Variants in ANKRD34A observed in about 807,000 individuals in gnomAD.
ANKRD34A encodes the protein ankyrin repeat domain 34A.
A neutral mutation model predicts 27.1 loss-of-function variants in ANKRD34A; 7 were observed. The observed-to-expected ratio is 0.26, with a 90% CI of 0.15 to 0.49. The LOEUF (loss-of-function observed/expected upper bound fraction) is 0.49, where lower values mean the gene tolerates loss of function less well. Ranked by LOEUF, ANKRD34A falls within the 20% of genes least tolerant of loss-of-function variation. The probability of loss-of-function intolerance (pLI) is 0.99; values close to 1 mark genes in which losing one functional copy is unlikely to be tolerated. For missense variants in ANKRD34A, 472 were observed against 682.1 expected (o/e 0.69, Z 3.43); for synonymous variants, 301 against 300.8 (o/e 1.00, Z -0.01).
Position 145,962,594 on chromosome 1 carries a change from C to A in ANKRD34A, c.-294G>T, listed in dbSNP as rs1649831337. 2.4e-5 allele frequency: 3 copies of A among 123,530 alleles called. No homozygotes were observed. The South Asian group carries it at 8.0e-4, about 33-fold the overall frequency. 7.7% of individuals were successfully genotyped at this position (123,530 alleles called of 1,614,324 possible). A position where few individuals can be genotyped will look rare whatever the true frequency, so the allele number is the denominator to read the frequency against. ...CGGATCCTGGTCCCTCCTCCCGGAG[C>A]GCCCCGGGCACAGCGCCGGCTCGGG... On this transcript the variant is annotated 5_prime_UTR_variant, in exon 3 of 4. Transcript: ENST00000606888.
rs149951044 is a variant in ANKRD34A at position 145,961,153 on chromosome 1, G to T, written c.607C>A (p.Arg203Ser). Reference sequence around the variant, plus strand: ...CGCTTCTCCTCTTCTTCCTGGGCGCGAGGGGATAACATCCCACGCCCTCCT... The same window carrying T: ...CGCTTCTCCTCTTCTTCCTGGGCGCTAGGGGATAACATCCCACGCCCTCCT... ...GGGGRGMLSP[R>S]AQEEEEKRDV... The change falls in exon 4 of 4, where the codon CGC (arginine) becomes AGC (serine). Residue 203 changes from arginine to serine, a missense_variant. Arg to Ser is a moderately radical substitution (Grantham distance 110). This residue lies in a region of ANKRD34A where 295 missense variants were observed against 335.0 expected (regional missense o/e 0.88). Transcript: ENST00000606888. The surrounding 1 kb of genome is among the most constrained non-coding windows in gnomAD (Gnocchi z 9.5). The T allele has an allele frequency of 2.5e-6, 4 of 1,614,044 alleles. No homozygotes were observed. In the African/African-American group the frequency reaches 5.3e-5, roughly 22 times the overall value.
Position 145,961,823 on chromosome 1 carries a change from G to A in ANKRD34A, c.-64C>T, listed in dbSNP as rs781850006. ...TGAGACCTGCCGAGGATGACTAGGGGTATGGGGAGGGGGAGTGGCTGGCAG... is the reference window on the plus strand; with the variant it reads ...TGAGACCTGCCGAGGATGACTAGGGATATGGGGAGGGGGAGTGGCTGGCAG... On this transcript the variant is annotated 5_prime_UTR_variant, in exon 4 of 4. Transcript: ENST00000606888. This position sits in a 1 kb window ranked among gnomAD's most constrained non-coding sequence, Gnocchi z 9.5. 6.6e-7 allele frequency: 1 copy of A among 1,516,058 alleles called. No individual in the cohort carries two copies. Among genetic ancestry groups the A allele is most frequent in the African/African-American group, 1.4e-5 (1 of 72,670 alleles). The allele number at this position is 1,516,058 out of a possible 1,614,324, so 93.9% of individuals were successfully genotyped here. A position where few individuals can be genotyped will look rare whatever the true frequency, so the allele number is the denominator to read the frequency against.
Position 145,960,897 on chromosome 1 carries a change from C to T in ANKRD34A, c.863G>A (p.Arg288Gln). The T allele has an allele frequency of 6.2e-7, 1 of 1,614,186 alleles. No individual in the cohort carries two copies. The highest frequency in any genetic ancestry group is 8.5e-7 in the Non-Finnish European group (1 of 1,180,034). Residue 288 changes from arginine (R) to glutamine (Q), a missense_variant, in exon 4 of 4, where the codon CGA becomes CAA. By Grantham distance (43) the Arg-to-Gln change is conservative. This residue lies in a region of ANKRD34A where 295 missense variants were observed against 335.0 expected (regional missense o/e 0.88). Transcript: ENST00000606888. The surrounding 1 kb of genome is among the most constrained non-coding windows in gnomAD (Gnocchi z 5.5). ...CTCAGGGCCTTCGGTGCTGTGACGT[C>T]GGGAAAGACGGGGTCGACCGGTCAG... ...LTLTGRPRLS[R>Q]RHSTEGPEDP...
At chr1:145,962,042 A>T (rs1553761477) in intron 3 of ANKRD34A, among the ~76,000 whole-genome samples, 163 bp from the exon 4 acceptor site, 1 of 152,016 alleles carries the variant, frequency 6.6e-6, no homozygotes, top group Non-Finnish European at 1.5e-5. Context: ...GGAGGTGGGA[A>T]GGGTGCACCC....
Position 145,959,704 on chromosome 1 carries a change from C to T in ANKRD34A, c.*565G>A, listed in dbSNP as rs782558343. The T allele has an allele frequency of 5.9e-6, 1 of 168,416 alleles. No individual in the cohort carries two copies. The highest frequency in any genetic ancestry group is 2.4e-5 in the African/African-American group (1 of 41,572). 10.4% of individuals were successfully genotyped at this position (168,416 alleles called of 1,614,324 possible). Reference sequence around the variant, plus strand: ...TGAGGCTGGGGGTTGCTGCAGGAACCCCCAAGAAGAGTGAAAAAGATATCC... The same window carrying T: ...TGAGGCTGGGGGTTGCTGCAGGAACTCCCAAGAAGAGTGAAAAAGATATCC... On this transcript the variant is annotated 3_prime_UTR_variant, in exon 4 of 4. Transcript: ENST00000606888.
At position 145,964,573 on chromosome 1, in the gene ANKRD34A, C is replaced by T. The variant is rs1553761799; in HGVS notation, c.-1286G>A. 4 of 152,304 alleles carry T rather than the reference C, an allele frequency of 2.6e-5. No individual in the cohort carries two copies. Among genetic ancestry groups the T allele is most frequent in the African/African-American group, 9.6e-5 (4 of 41,458 alleles). The allele number at this position is 152,304 out of a possible 1,614,324, so 9.4% of individuals were successfully genotyped here. A position where few individuals can be genotyped will look rare whatever the true frequency, so the allele number is the denominator to read the frequency against. Reference sequence around the variant, plus strand: ...CCGCTTCGCAAGCTTCGGTTCCGGGCGTACTCGCTCCCTCCCTCCTTCTCT... The same window carrying T: ...CCGCTTCGCAAGCTTCGGTTCCGGGTGTACTCGCTCCCTCCCTCCTTCTCT... On this transcript the variant is annotated 5_prime_UTR_variant, in exon 1 of 4. Transcript: ENST00000606888.
rs1346910309 is a variant in ANKRD34A at position 145,960,654 on chromosome 1, A to C, written c.1106T>G (p.Leu369Trp). ...LERRRYSASPLTLPPAGSAPS... is the reference protein window; with the variant it reads ...LERRRYSASPWTLPPAGSAPS... ...AGCCGAGCCGGCTGGAGGGAGGGTC[A>C]ACGGGGAGGCGCTGTATCGGCGGCG... The change falls in exon 4 of 4, where the codon TTG becomes TGG. Residue 369 changes from leucine (L) to tryptophan (W), a missense_variant. This residue lies in a region of ANKRD34A where 295 missense variants were observed against 335.0 expected (regional missense o/e 0.88). Transcript: ENST00000606888. This position sits in a 1 kb window ranked among gnomAD's most constrained non-coding sequence, Gnocchi z 5.5. 1.9e-6 allele frequency: 3 copies of C among 1,597,132 alleles called. No homozygotes were observed. The highest frequency in any genetic ancestry group is 8.5e-7 in the Non-Finnish European group (1 of 1,169,864).
In ANKRD34A at chr1:145,960,663, G is replaced by C. The variant is rs782389277; in HGVS notation, c.1097C>G (p.Ala366Gly). 1.6e-5 allele frequency: 25 copies of C among 1,601,904 alleles called. No individual in the cohort carries two copies. The East Asian group carries it at 5.6e-4, about 36-fold the overall frequency. ...GGCTGGAGGGAGGGTCAACGGGGAGGCGCTGTATCGGCGGCGCTCCAGGGA... is the reference window on the plus strand; with the variant it reads ...GGCTGGAGGGAGGGTCAACGGGGAGCCGCTGTATCGGCGGCGCTCCAGGGA... ...RLSLERRRYS[A>G]SPLTLPPAGS... The change falls in exon 4 of 4, where the codon GCC becomes GGC. Residue 366 changes from alanine (A) to glycine (G), a missense_variant. Ala to Gly is a moderately conservative substitution (Grantham distance 60, BLOSUM62 0). Coordinates refer to ENST00000606888, the MANE Select transcript of ANKRD34A (RefSeq NM_001039888.4). This position sits in a 1 kb window ranked among gnomAD's most constrained non-coding sequence, Gnocchi z 5.5.
chr1:145,962,229 G>A (rs1649805045), intron 3 of ANKRD34A, 192 bp downstream of exon 3: 1 of 165,268 alleles, frequency 6.1e-6, no homozygotes, highest in Non-Finnish European at 1.3e-5. Flanking sequence ...GCACCCTACA[G>A]TCACACATGT....
rs1419410925 is a variant in ANKRD34A, at chr1:145,962,771, C to T, written c.-471G>A. The T allele has an allele frequency of 1.3e-5, 2 of 151,956 alleles. No individual in the cohort carries two copies. The highest frequency in any genetic ancestry group is 2.9e-5 in the Non-Finnish European group (2 of 68,160). The allele number at this position is 151,956 out of a possible 1,614,324, so 9.4% of individuals were successfully genotyped here. Reference sequence around the variant, plus strand: ...CCCTCAAAAACCTAGAGGCTCCAATCCTGACTTCCTTTTCTCAGCCGACCT... The same window carrying T: ...CCCTCAAAAACCTAGAGGCTCCAATTCTGACTTCCTTTTCTCAGCCGACCT... On this transcript the variant is annotated 5_prime_UTR_variant, in exon 3 of 4. Transcript: ENST00000606888.
Position 145,960,498 on chromosome 1 carries a change from C to A in ANKRD34A, c.1262G>T (p.Arg421Leu). ...TLLLDHISQT[R>L]PGFLPPLNVS... ...GTTGAGAGGGGGTAGGAAACCCGGC[C>A]GCGTTTGCGAGATGTGGTCCAGGAG... The change falls in exon 4 of 4, where the codon CGG (arginine) becomes CTG (leucine). Residue 421 changes from arginine (R) to leucine (L), a missense_variant. Coordinates refer to ENST00000606888, the MANE Select transcript of ANKRD34A (RefSeq NM_001039888.4). The surrounding 1 kb of genome is among the most constrained non-coding windows in gnomAD (Gnocchi z 5.5). The A allele has an allele frequency of 6.2e-7, 1 of 1,601,190 alleles. No homozygotes were observed. Among genetic ancestry groups the A allele is most frequent in the Non-Finnish European group, 8.5e-7 (1 of 1,173,900 alleles).
In ANKRD34A at chr1:145,961,301, G is replaced by A; in HGVS notation, c.459C>T (p.Thr153=). The change falls in exon 4 of 4, where the codon ACC becomes ACT. Residue 153 remains threonine, a synonymous_variant. Transcript: ENST00000606888. This position sits in a 1 kb window ranked among gnomAD's most constrained non-coding sequence, Gnocchi z 9.5. The part of the protein sequence containing the change: ...IITTDTSPSG[T]KKTRQYLNSP... The stretch of plus-strand genomic sequence containing the variant: ...AATTGAGATACTGCCGGGTCTTCTT[G>A]GTGCCTGAGGGCGAGGTATCGGTGG... The A allele has an allele frequency of 6.2e-7, 1 of 1,614,058 alleles. No individual in the cohort carries two copies. The highest frequency in any genetic ancestry group is 1.6e-4 in the Middle Eastern group (1 of 6,062).
In ANKRD34A at chr1:145,962,003, C is replaced by T. The variant is rs587597284; in HGVS notation, c.-120-124G>A. ...CCTTCCTCTAACTCATGCCTTTGAGCCGGCCCTTCCCCCGCAGCGCATGCC... is the reference window on the plus strand; with the variant it reads ...CCTTCCTCTAACTCATGCCTTTGAGTCGGCCCTTCCCCCGCAGCGCATGCC... On this transcript the variant is annotated intron_variant, in intron 3 of 3. Coordinates refer to ENST00000606888, the MANE Select transcript of ANKRD34A (RefSeq NM_001039888.4). The T allele has an allele frequency of 3.3e-4, 170 of 517,214 alleles. 2 individuals carry two copies. In the South Asian group the frequency reaches 4.0e-3, roughly 12 times the overall value. The allele number at this position is 517,214 out of a possible 1,614,324, so 32.0% of individuals were successfully genotyped here. A position where few individuals can be genotyped will look rare whatever the true frequency, so the allele number is the denominator to read the frequency against.
At position 145,961,460 on chromosome 1, in the gene ANKRD34A, G is replaced by A. The variant is rs782819361; in HGVS notation, c.300C>T (p.His100=). Reference sequence around the variant, plus strand: ...GATCTCGGACTGAGGGGTCTGCGCCGTGGGCAAGGAGCAGCGAGGCCACCG... The same window carrying A: ...GATCTCGGACTGAGGGGTCTGCGCCATGGGCAAGGAGCAGCGAGGCCACCG... ...GAAVASLLLA[H]GADPSVRDHA... Residue 100 remains histidine (H), a synonymous_variant, in exon 4 of 4, where the codon CAC becomes CAT. Coordinates refer to ENST00000606888, the MANE Select transcript of ANKRD34A (RefSeq NM_001039888.4). This position sits in a 1 kb window ranked among gnomAD's most constrained non-coding sequence, Gnocchi z 9.5. The A allele has an allele frequency of 6.3e-7, 1 of 1,594,214 alleles. No homozygotes were observed. Among genetic ancestry groups the A allele is most frequent in the South Asian group, 1.1e-5 (1 of 89,262 alleles).
In ANKRD34A at chr1:145,960,583, G is replaced by A. The variant is rs781849200; in HGVS notation, c.1177C>T (p.Pro393Ser). The change falls in exon 4 of 4, where the codon CCG becomes TCG. Residue 393 changes from proline to serine, a missense_variant. Pro to Ser is a moderately conservative substitution (Grantham distance 74). This residue lies in a region of ANKRD34A where 295 missense variants were observed against 335.0 expected (regional missense o/e 0.88). Coordinates refer to ENST00000606888, the MANE Select transcript of ANKRD34A (RefSeq NM_001039888.4). This position sits in a 1 kb window ranked among gnomAD's most constrained non-coding sequence, Gnocchi z 5.5. ...SQESLPGAVS[P>S]LSGRRRSPGL... is the part of the protein sequence containing the mutation. ...GGACTCCGCCTCCTTCCGCTTAGCG[G>A]AGATACTGCCCCTGGCAGACTCTCC... 6.3e-7 allele frequency: 1 copy of A among 1,586,098 alleles called. No homozygotes were observed. Among genetic ancestry groups the A allele is most frequent in the Admixed American group, 1.7e-5 (1 of 57,242 alleles).
In ANKRD34A at chr1:145,960,358, A is replaced by G. The variant is rs202104457; in HGVS notation, c.1402T>C (p.Leu468=). ...APGSPRTKRK[L]VRRHSMQTEQ... ...GTCTGCATGGAGTGGCGTCTCACCA[A>G]TTTGCGCTTGGTCCTGGGAGAGCCT... The change falls in exon 4 of 4, where the codon TTG becomes CTG. Residue 468 remains leucine, a synonymous_variant. Coordinates refer to ENST00000606888, the MANE Select transcript of ANKRD34A (RefSeq NM_001039888.4). This position sits in a 1 kb window ranked among gnomAD's most constrained non-coding sequence, Gnocchi z 5.5. 31 of 1,576,854 alleles carry G rather than the reference A, an allele frequency of 2.0e-5. No homozygotes were observed. The Admixed American group carries it at 5.1e-4, about 26-fold the overall frequency.
In ANKRD34A at chr1:145,961,776, A is replaced by G. The variant is rs782289942; in HGVS notation, c.-17T>C. Reference sequence around the variant, plus strand: ...GTGCAACATAGCTGCGGCTGGGGCGAGGGCACAGATGGAGCCGGGACTGAG... The same window carrying G: ...GTGCAACATAGCTGCGGCTGGGGCGGGGGCACAGATGGAGCCGGGACTGAG... On this transcript the variant is annotated 5_prime_UTR_variant, in exon 4 of 4. Transcript: ENST00000606888. This position sits in a 1 kb window ranked among gnomAD's most constrained non-coding sequence, Gnocchi z 9.5. The G allele has an allele frequency of 3.7e-6, 6 of 1,603,224 alleles. No homozygotes were observed. In the Admixed American group the frequency reaches 1.0e-4, roughly 27 times the overall value.
chr1:145,964,434 A>G lies in ANKRD34A; in HGVS notation c.-1147T>C, dbSNP rs1170863935. The G allele has an allele frequency of 1.3e-5, 2 of 152,180 alleles. No homozygotes were observed. Among genetic ancestry groups the G allele is most frequent in the East Asian group, 1.9e-4 (1 of 5,196 alleles). 9.4% of individuals were successfully genotyped at this position (152,180 alleles called of 1,614,324 possible). On this transcript the variant is annotated 5_prime_UTR_variant, in exon 1 of 4. Coordinates refer to ENST00000606888, the MANE Select transcript of ANKRD34A (RefSeq NM_001039888.4). ...CCTCAACACGGTCCCTCGATGAGATATGAGTGTCACGTTCCCTCGGTGAAC... is the reference window on the plus strand; with the variant it reads ...CCTCAACACGGTCCCTCGATGAGATGTGAGTGTCACGTTCCCTCGGTGAAC...
chr1:145,960,466 G>GGGGGC lies in ANKRD34A; in HGVS notation c.1293_1294insGCCCC (p.Pro432AlafsTer40). ...CGAATGTCAGGGATGGGAGGGTGGG[G>GGGGGC]ACTGACGTTGAGAGGGGGTAGGAAA... On this transcript the variant is annotated frameshift_variant, in exon 4 of 4. Coordinates refer to ENST00000606888, the MANE Select transcript of ANKRD34A (RefSeq NM_001039888.4). LOFTEE classifies it high-confidence loss of function. The surrounding 1 kb of genome is among the most constrained non-coding windows in gnomAD (Gnocchi z 5.5). 1.2e-6 allele frequency: 1 copy of GGGGGC among 848,252 alleles called. No homozygotes were observed. The highest frequency in any genetic ancestry group is 2.0e-6 in the Non-Finnish European group (1 of 500,056). 52.5% of individuals were successfully genotyped at this position (848,252 alleles called of 1,614,324 possible).
Sources: gnomAD v4.1 joint callset for allele counts (sites outside exome capture counted in the v4.1 genomes callset) on GRCh38, gnomAD v4.1.1 for gene constraint, gnomAD v4.1.1 regional missense constraint, Gnocchi (gnomAD v3.1) non-coding constraint, MANE v1.5 for transcripts, NCBI Gene and HGNC (gene_info 2026-07-23, HGNC 2026-07-21) for gene names.